The following LRP2BP variants were observed in gnomAD, a reference collection of about 807,000 sequenced individuals.
LRP2BP encodes LRP2-binding protein.
Under a neutral mutation model 45.2 loss-of-function variants are expected in LRP2BP, and 38 were observed. The ratio of observed to expected loss-of-function variants is 0.84; its 90% CI spans 0.65 to 1.10. LRP2BP has a LOEUF of 1.10. Among genes scored for constraint, LRP2BP ranks in the 50% least tolerant of loss-of-function variants. LRP2BP has a pLI of 0.00. For missense variants in LRP2BP, 385 were observed against 418.9 expected, an observed-to-expected ratio of 0.92 and a Z score of 0.71; for synonymous variants, 153 against 153.9, an observed-to-expected ratio of 0.99 and a Z score of 0.04.
At chr4:185,396,728 C>G (rs1355467503), upstream of LRP2BP, 2 of 614,358 alleles carry the variant, frequency 3.3e-6, no homozygotes, top group Non-Finnish European at 5.8e-6. Context: ...TGGACAGGGT[C>G]CGGGTCGTTG....
intron 8 of LRP2BP, among the ~76,000 whole-genome samples, chr4:185,367,547 G>A (rs2095393605): frequency 1.3e-5 from 2 of 152,126 alleles, no homozygotes; most frequent in African/African-American, 4.8e-5. Context: ...GTAAAATGGA[G>A]AGCATTAACA....
At position 185,374,126 on chromosome 4, in the gene LRP2BP, G is replaced by A; in HGVS notation, c.579+9C>T. The A allele has an allele frequency of 6.2e-7, 1 of 1,605,034 alleles. No individual in the cohort carries two copies. On this transcript the variant is annotated intron_variant, in intron 6 of 8. Coordinates refer to ENST00000505916, the MANE Select transcript of LRP2BP (RefSeq NM_001377440.1). The stretch of plus-strand genomic sequence containing the variant: ...TATAACACTAGCATTAAAAAAGAGG[G>A]AACGTTACCTTTTCTAACTCCTTGG...
intron 1 of LRP2BP, among the ~76,000 whole-genome samples, chr4:185,393,321 G>A (rs982063219): frequency 6.6e-6 from 1 of 152,178 alleles, no homozygotes; most frequent in African/African-American, 2.4e-5. Flanking sequence ...ATGTTTTAAA[G>A]TAGGAATGAG....
At chr4:185,394,047 T>C (rs1272168035) in intron 1 of LRP2BP, among the ~76,000 whole-genome samples, 2 of 152,058 alleles carry the variant, frequency 1.3e-5, no homozygotes, top group Non-Finnish European at 2.9e-5. Context: ...TCACTGGAGG[T>C]CAGGCGTTTG....
At chr4:185,388,879 AATT>A (rs945087316) in intron 1 of LRP2BP, among the ~76,000 whole-genome samples, 50 of 144,118 alleles carry the variant, frequency 3.5e-4, no homozygotes, top group African/African-American at 1.1e-3. Context: ...AAATAATAAT[AATT>A]ATTATTTTTT....
Position 185,395,218 on chromosome 4 carries a change from CT to C in LRP2BP, c.-462del. ...TATGTAACAGGAAGTTAAAAAATAA[CT>C]ACCACTTAATGCATACTGAACAGAA... is the stretch of plus-strand genomic sequence containing the variant. On this transcript the variant is annotated 5_prime_UTR_variant, in exon 1 of 9. Transcript: ENST00000505916. 1.0e-6 allele frequency: 1 copy of C among 985,306 alleles called. No homozygotes were observed. The highest frequency in any genetic ancestry group is 4.7e-5 in the South Asian group (1 of 21,284). The allele number at this position is 985,306 out of a possible 1,614,324, so 61.0% of individuals were successfully genotyped here. A position where few individuals can be genotyped will look rare whatever the true frequency, so the allele number is the denominator to read the frequency against.
chr4:185,378,767 C>T, intron 1 of LRP2BP: 1 of 985,530 alleles, frequency 1.0e-6, no homozygotes, highest in Non-Finnish European at 1.2e-6. Flanking sequence ...ATGTAGCGGT[C>T]ACCTCATTTG....
intron 1 of LRP2BP, among the ~76,000 whole-genome samples, chr4:185,386,987 T>C (rs967138604): frequency 2.0e-5 from 3 of 152,224 alleles, no homozygotes; most frequent in Admixed American, 6.5e-5. Flanking sequence ...GGCTCATGCC[T>C]GTAATCCCAG....
intron 1 of LRP2BP, among the ~76,000 whole-genome samples, chr4:185,379,230 T>C (rs966694947): frequency 3.3e-5 from 5 of 152,242 alleles, no homozygotes; most frequent in Admixed American, 1.3e-4. Context: ...CCAAATCTTA[T>C]GGTTGCCTTT....
At chr4:185,383,412 T>C (rs6845762) in intron 1 of LRP2BP, among the ~76,000 whole-genome samples, 11,054 of 152,252 alleles carry the variant, frequency 0.073, 598 homozygotes, top group African/African-American at 0.14. Flanking sequence ...CCCTGGAGTT[T>C]GAGGCTGCAA....
intron 1 of LRP2BP, among the ~76,000 whole-genome samples, chr4:185,382,786 AAC>A (rs1396136308): frequency 6.6e-6 from 1 of 152,174 alleles, no homozygotes; most frequent in Non-Finnish European, 1.5e-5. Flanking sequence ...GTTTTTCTTT[AAC>A]AGTTTCTTTT....
Position 185,367,201 on chromosome 4 carries a change from T to C in LRP2BP, c.1023A>G (p.Leu341=), listed in dbSNP as rs1048966638. The part of the protein sequence containing the change: ...NPALADELHS[L]LIRQRI ...TGGTCTAAATTCTTTGACGAATAAG[T>C]AAGGAGTGAAGTTCATCTGCCAATG... The change falls in exon 9 of 9, where the codon TTA becomes TTG. Residue 341 remains leucine (L), a synonymous_variant. Coordinates refer to ENST00000505916, the MANE Select transcript of LRP2BP (RefSeq NM_001377440.1). 10 of 1,613,260 alleles carry C rather than the reference T, an allele frequency of 6.2e-6. No individual in the cohort carries two copies. Among genetic ancestry groups the C allele is most frequent in the Admixed American group, 5.0e-5 (3 of 59,962 alleles).
chr4:185,388,750 G>T (rs1346217820), intron 1 of LRP2BP, among the ~76,000 whole-genome samples: 3 of 151,992 alleles, frequency 2.0e-5, no homozygotes, highest in Non-Finnish European at 4.4e-5. Flanking sequence ...AAGAAAATAG[G>T]TTGCACAACA....
chr4:185,368,015 T>TA (rs1457605836), intron 8 of LRP2BP, among the ~76,000 whole-genome samples: 3 of 152,020 alleles, frequency 2.0e-5, no homozygotes, highest in South Asian at 2.1e-4. Flanking sequence ...CCGTCTCTAC[T>TA]AAAAATACAA....
intron 7 of LRP2BP, 64 bp from the exon 8 acceptor site, chr4:185,370,878 T>C (rs1410129250): frequency 8.4e-6 from 13 of 1,545,390 alleles, no homozygotes; most frequent in Admixed American, 1.7e-5. Flanking sequence ...TGTAAAACGA[T>C]GCGCCTAGAG....
chr4:185,385,338 CAT>C (rs1416706098), intron 1 of LRP2BP, among the ~76,000 whole-genome samples: 1 of 152,078 alleles, frequency 6.6e-6, no homozygotes, highest in East Asian at 1.9e-4. Context: ...TAGTAAAATA[CAT>C]GAGTAGAATT....
In LRP2BP at chr4:185,389,231, C is replaced by T. The variant is rs189449154; in HGVS notation, c.-22+5548G>A. 4.5e-3 allele frequency among the ~76,000 whole-genome samples: 677 copies of T among 151,220 alleles called. 2 individuals are homozygous for T. Among genetic ancestry groups the T allele is most frequent in the African/African-American group, 0.015 (631 of 41,172 alleles). ...TTATTTTATTTATTTATTTTGAGAA[C>T]GGAGTCTCACACTGTTGCCCAGGCT... On this transcript the variant is annotated intron_variant, in intron 1 of 8. Transcript: ENST00000505916.
At position 185,386,880 on chromosome 4, in the gene LRP2BP, G is replaced by A. The variant is rs558253144; in HGVS notation, c.-22+7899C>T. Among the ~76,000 whole-genome samples the A allele has an allele frequency of 3.7e-4, 57 of 152,310 alleles. 1 individual carries two copies. In the South Asian group the frequency reaches 7.5e-3, roughly 20 times the overall value. On this transcript the variant is annotated intron_variant, in intron 1 of 8. Coordinates refer to ENST00000505916, the MANE Select transcript of LRP2BP (RefSeq NM_001377440.1). ...AAGTGGATGCCGTGGAGACATGTAC[G>A]TACATGATGTTTACTATTATATAAA...
At chr4:185,386,239 A>C (rs1039640679) in intron 1 of LRP2BP, among the ~76,000 whole-genome samples, 1 of 152,236 alleles carries the variant, frequency 6.6e-6, no homozygotes, top group Non-Finnish European at 1.5e-5. Flanking sequence ...ATCCAAAGGG[A>C]TCAGCTTAAA....
Sources: gnomAD v4.1 joint callset for allele counts (sites outside exome capture counted in the v4.1 genomes callset) on GRCh38, gnomAD v4.1.1 for gene constraint, MANE v1.5 for transcripts, NCBI Gene and HGNC (gene_info 2026-07-23, HGNC 2026-07-21) for gene names.